RLN2: variants seen among roughly 807,000 people sequenced by gnomAD.
The protein encoded by RLN2 is relaxin 2.
Under a neutral mutation model 7.3 loss-of-function variants are expected in RLN2, and 10 were observed. The ratio of observed to expected loss-of-function variants is 1.36; its 90% confidence interval spans 0.84 to 2.31. The LOEUF (loss-of-function observed/expected upper bound fraction) is 2.31, where lower values mean the gene tolerates loss of function less well. Among genes scored for constraint, RLN2 ranks in the 30% most tolerant of loss-of-function variants. RLN2 has a pLI of 0.00. For missense variants in RLN2, 298 were observed against 217.6 expected (o/e 1.37, Z -2.32); for synonymous variants, 103 against 82.3 (o/e 1.25, Z -1.36).
At chr9:5,323,353 G>A in the RLN2 span, among the ~76,000 whole-genome samples, 2 of 151,912 alleles carry the variant, frequency 1.3e-5, no homozygotes, top group African/African-American at 4.8e-5. Context: ...AGGGTACACA[G>A]AAGCAATTTT....
chr9:5,306,974 G>C (rs767723593), upstream of RLN2, among the ~76,000 whole-genome samples: 10 of 152,006 alleles, frequency 6.6e-5, no homozygotes, highest in African/African-American at 2.4e-4. Flanking sequence ...CCTGATTCTA[G>C]CCCTAAGCCT....
chr9:5,327,435 A>G, the RLN2 span, among the ~76,000 whole-genome samples: 2 of 152,032 alleles, frequency 1.3e-5, no homozygotes, highest in African/African-American at 2.4e-5. Context: ...GCAGCTCAAC[A>G]AGGCCCACCA....
chr9:5,322,455 C>T, the RLN2 span, among the ~76,000 whole-genome samples: 3 of 152,146 alleles, frequency 2.0e-5, no homozygotes, highest in East Asian at 5.8e-4. Flanking sequence ...GAAGTTAATT[C>T]TGTTAAGCCA....
the RLN2 span, chr9:5,335,698 G>A: frequency 1.4e-6 from 1 of 698,922 alleles, no homozygotes; most frequent in Non-Finnish European, 2.4e-6. Context: ...AGAAAGCATT[G>A]CCTCAATATA....
the RLN2 span, among the ~76,000 whole-genome samples, chr9:5,320,753 G>C: frequency 1.3e-5 from 2 of 152,130 alleles, no homozygotes; most frequent in East Asian, 3.9e-4. Context: ...TATATTCAGA[G>C]GGCATTTAAA....
chr9:5,328,216 A>T, the RLN2 span, among the ~76,000 whole-genome samples: 1 of 152,044 alleles, frequency 6.6e-6, no homozygotes, highest in Non-Finnish European at 1.5e-5. Context: ...GAAGATCTTA[A>T]ATGACCTGAT....
chr9:5,307,088 T>C (rs1238009039), upstream of RLN2, among the ~76,000 whole-genome samples: 1 of 151,996 alleles, frequency 6.6e-6, no homozygotes, highest in African/African-American at 2.4e-5. Context: ...TCTATATGCT[T>C]AGACACAGCT....
chr9:5,306,373 G>A (rs1816252846), upstream of RLN2, among the ~76,000 whole-genome samples: 1 of 151,954 alleles, frequency 6.6e-6, no homozygotes, highest in Admixed American at 6.5e-5. Context: ...CTCCCAAAGT[G>A]TCCAGGGATA....
At chr9:5,323,565 T>C in the RLN2 span, among the ~76,000 whole-genome samples, 2 of 151,928 alleles carry the variant, frequency 1.3e-5, no homozygotes, top group Non-Finnish European at 2.9e-5. Context: ...CTGACTGTTC[T>C]TGAATATGAA....
chr9:5,319,327 C>T, the RLN2 span, among the ~76,000 whole-genome samples: 1 of 151,874 alleles, frequency 6.6e-6, no homozygotes. Context: ...ACATATTTAC[C>T]ACTTTCTAAC....
chr9:5,302,535 A>C (rs1816171040), intron 1 of RLN2, among the ~76,000 whole-genome samples: 1 of 152,174 alleles, frequency 6.6e-6, no homozygotes, highest in South Asian at 2.1e-4. Context: ...CATTTGTCTT[A>C]ATCTCCACCT....
upstream of RLN2, among the ~76,000 whole-genome samples, chr9:5,306,109 G>GT (rs199949652): frequency 0.095 from 12,432 of 131,410 alleles, 708 homozygotes; most frequent in Non-Finnish European, 0.13. Flanking sequence ...TTTGTTTTTT[G>GT]TTTTTTTTTT....
chr9:5,337,762 G>T, the RLN2 span, among the ~76,000 whole-genome samples: 30 of 152,052 alleles, frequency 2.0e-4, no homozygotes, highest in South Asian at 6.2e-4. Flanking sequence ...ATACTGCATA[G>T]CAATAAAGAA....
chr9:5,310,903 A>G, the RLN2 span, among the ~76,000 whole-genome samples: 1 of 152,092 alleles, frequency 6.6e-6, no homozygotes, highest in East Asian at 1.9e-4. Flanking sequence ...ATCAATTAAG[A>G]ATAAGAAAAA....
chr9:5,308,980 G>C (rs989894883), upstream of RLN2, among the ~76,000 whole-genome samples: 1 of 152,086 alleles, frequency 6.6e-6, no homozygotes, highest in Non-Finnish European at 1.5e-5. Context: ...ACGTGGCCCT[G>C]CATGGCATTT....
At chr9:5,329,788 T>C in the RLN2 span, among the ~76,000 whole-genome samples, 4 of 151,986 alleles carry the variant, frequency 2.6e-5, no homozygotes, top group African/African-American at 9.7e-5. Flanking sequence ...TAAAGAGACT[T>C]AGACTCCCAC....
chr9:5,327,087 G>A, the RLN2 span, among the ~76,000 whole-genome samples: 4 of 151,978 alleles, frequency 2.6e-5, no homozygotes, highest in Admixed American at 2.0e-4. Context: ...GAAGCAGGGC[G>A]AGGTGTCACC....
the RLN2 span, among the ~76,000 whole-genome samples, chr9:5,326,241 G>A: frequency 2.0e-5 from 3 of 151,998 alleles, no homozygotes; most frequent in Non-Finnish European, 4.4e-5. Flanking sequence ...TGTTTGAGTA[G>A]TGTCAATGGT....
the RLN2 span, among the ~76,000 whole-genome samples, chr9:5,324,988 TAGG>T: frequency 1.3e-5 from 2 of 152,000 alleles, no homozygotes; most frequent in African/African-American, 4.8e-5. Flanking sequence ...AGGATAAGTG[TAGG>T]AGAAGTGGGG....
Sources: allele counts gnomAD v4.1 joint callset (sites outside exome capture counted in the v4.1 genomes callset), GRCh38; gene constraint gnomAD v4.1.1; transcripts MANE v1.5; gene names NCBI Gene and HGNC (gene_info 2026-07-23, HGNC 2026-07-21).